KYNU: variants seen among roughly 807,000 people sequenced by gnomAD.
KYNU encodes L-kynurenine hydrolase.
A neutral mutation model predicts 59.2 loss-of-function variants in KYNU; 54 were observed. That is an observed-to-expected ratio of 0.91 (90% CI 0.73 to 1.14). KYNU has a LOEUF of 1.14. KYNU is among the 50% of genes most tolerant of loss of function. The probability of loss-of-function intolerance (pLI) is 0.00; values close to 1 mark genes in which losing one functional copy is unlikely to be tolerated. For synonymous variants in KYNU, 177 were observed against 192.0 expected, an observed-to-expected ratio of 0.92 and a Z score of 0.65; for missense variants, 567 against 554.4, an observed-to-expected ratio of 1.02 and a Z score of -0.23.
intron 1 of KYNU, among the ~76,000 whole-genome samples, chr2:142,882,525 T>A (rs930664100): frequency 3.3e-5 from 5 of 152,158 alleles, no homozygotes; most frequent in African/African-American, 9.7e-5. Context: ...TTCCCCGCCC[T>A]GTGTCCAAGT....
Position 142,885,494 on chromosome 2 carries a change from A to G in KYNU, c.127A>G (p.Arg43Gly), listed in dbSNP as rs746689071. Residue 43 changes from arginine (R) to glycine (G), a missense_variant, in exon 2 of 14, where the codon AGG becomes GGG. By Grantham distance (125) the Arg-to-Gly change is moderately radical (BLOSUM62 -2). Transcript: ENST00000264170. ...TGAGGAAGATAAGCTGAGGCACTTC[A>G]GGGAGTGCTTTTATATTCCCAAAAT... Reference protein sequence around the residue: ...LDEEDKLRHFRECFYIPKIQD... With the variant: ...LDEEDKLRHFGECFYIPKIQD... 4.1e-5 allele frequency: 66 copies of G among 1,613,836 alleles called. No individual in the cohort carries two copies. Among genetic ancestry groups the G allele is most frequent in the Non-Finnish European group, 5.3e-5 (63 of 1,179,978 alleles).
intron 2 of KYNU, among the ~76,000 whole-genome samples, chr2:142,896,292 C>T (rs1412412985): frequency 3.3e-5 from 5 of 152,198 alleles, no homozygotes; most frequent in African/African-American, 9.6e-5. Flanking sequence ...TATTCACCCC[C>T]AGTTGGTATT....
At chr2:142,936,775 G>T (rs994643399) in intron 4 of KYNU, among the ~76,000 whole-genome samples, 1 of 152,208 alleles carries the variant, frequency 6.6e-6, no homozygotes, top group African/African-American at 2.4e-5. Flanking sequence ...ATGCAGAGGG[G>T]TGACTGGAGG....
intron 10 of KYNU, among the ~76,000 whole-genome samples, chr2:143,024,411 T>G (rs1404891061): frequency 6.6e-6 from 1 of 152,066 alleles, no homozygotes; most frequent in Non-Finnish European, 1.5e-5. Context: ...TTGGCTGACT[T>G]AAGTTCTTTT....
intron 10 of KYNU, among the ~76,000 whole-genome samples, chr2:142,991,997 C>G (rs967145577): frequency 6.6e-6 from 1 of 151,948 alleles, no homozygotes; most frequent in Non-Finnish European, 1.5e-5. Flanking sequence ...GTAGCAGCAT[C>G]TATCTCTATG....
chr2:142,970,501 G>A (rs891556868), intron 8 of KYNU, among the ~76,000 whole-genome samples: 2 of 151,990 alleles, frequency 1.3e-5, no homozygotes, highest in African/African-American at 2.4e-5. Context: ...TATCTAAATG[G>A]GGCTATCTCC....
intron 12 of KYNU, among the ~76,000 whole-genome samples, chr2:143,033,905 T>A (rs1275290904): frequency 5.9e-5 from 9 of 152,146 alleles, no homozygotes; most frequent in Non-Finnish European, 1.0e-4. Flanking sequence ...ATGATTTTTT[T>A]AAATTGGGAC....
chr2:142,946,647 A>G (rs1326929561), intron 4 of KYNU, among the ~76,000 whole-genome samples: 1 of 152,220 alleles, frequency 6.6e-6, no homozygotes, highest in Non-Finnish European at 1.5e-5. Context: ...CGTTTCACTT[A>G]TAAAGCACAG....
At chr2:142,897,516 T>A (rs761838653) in intron 2 of KYNU, among the ~76,000 whole-genome samples, 1 of 152,254 alleles carries the variant, frequency 6.6e-6, no homozygotes, top group Non-Finnish European at 1.5e-5. Flanking sequence ...TAGATGCTTA[T>A]ATTTTTCTTG....
At chr2:143,032,969 A>G (rs943761296) in intron 11 of KYNU, among the ~76,000 whole-genome samples, 1 of 152,184 alleles carries the variant, frequency 6.6e-6, no homozygotes, top group African/African-American at 2.4e-5. Flanking sequence ...TGAGATCCAG[A>G]AAAACTTCCA....
Position 143,044,087 on chromosome 2 carries a change from T to G in KYNU, c.*1915T>G, listed in dbSNP as rs1239795151. 6.6e-6 allele frequency: 1 copy of G among 152,086 alleles called. No homozygotes were observed. Among genetic ancestry groups the G allele is most frequent in the East Asian group, 1.9e-4 (1 of 5,200 alleles). The allele number at this position is 152,086 out of a possible 1,614,324, so 9.4% of individuals were successfully genotyped here. A position where few individuals can be genotyped will look rare whatever the true frequency, so the allele number is the denominator to read the frequency against. ...ACTTATGGGTAAGAACATGCAGTGT[T>G]TGATTTTCTGTTCCTCTGTTAGTTT... On this transcript the variant is annotated 3_prime_UTR_variant, in exon 14 of 14. Transcript: ENST00000264170.
At chr2:143,033,550 A>G (rs1228604788) in intron 12 of KYNU, among the ~76,000 whole-genome samples, 2 of 152,242 alleles carry the variant, frequency 1.3e-5, no homozygotes, top group East Asian at 1.9e-4. Flanking sequence ...GTTGGCACAT[A>G]GTAAATATTA....
At chr2:142,947,129 C>A in intron 4 of KYNU, 1 of 1,551,146 alleles carries the variant, frequency 6.4e-7, no homozygotes, top group African/African-American at 1.4e-5. Context: ...AGACCCCCAA[C>A]ACAATCAACC....
chr2:142,957,753 T>C (rs570733362), intron 7 of KYNU, 38 bp downstream of exon 7: 1 of 1,283,908 alleles, frequency 7.8e-7, no homozygotes, highest in South Asian at 1.2e-5. Flanking sequence ...CATGCTTTGT[T>C]TAGTATTGAT....
At chr2:142,919,009 G>A (rs1259236472) in intron 3 of KYNU, among the ~76,000 whole-genome samples, 1 of 152,210 alleles carries the variant, frequency 6.6e-6, no homozygotes, top group Non-Finnish European at 1.5e-5. Context: ...CAGTATAAAT[G>A]TCATGTAAAT....
chr2:142,903,892 G>C (rs1682194450), intron 2 of KYNU, among the ~76,000 whole-genome samples: 1 of 152,150 alleles, frequency 6.6e-6, no homozygotes, highest in South Asian at 2.1e-4. Flanking sequence ...CATTCAATTT[G>C]TCCAGACTTT....
At chr2:143,026,746 GT>G (rs1686580935) in intron 10 of KYNU, among the ~76,000 whole-genome samples, 16 of 87,276 alleles carry the variant, frequency 1.8e-4, no homozygotes, top group Admixed American at 1.0e-3. Context: ...GCTGTCCGCA[GT>G]CCGCAGTCCG....
At chr2:143,019,331 T>C (rs1686344062) in intron 10 of KYNU, among the ~76,000 whole-genome samples, 1 of 152,166 alleles carries the variant, frequency 6.6e-6, no homozygotes, top group South Asian at 2.1e-4. Flanking sequence ...TTGTTGAGAA[T>C]ATTTATTATG....
At chr2:142,937,926 C>T (rs1683448278) in intron 4 of KYNU, among the ~76,000 whole-genome samples, 1 of 152,204 alleles carries the variant, frequency 6.6e-6, no homozygotes, top group Non-Finnish European at 1.5e-5. Context: ...GAGAGATTGA[C>T]CAAAACTTTA....
Sources: gnomAD v4.1 joint callset for allele counts (sites outside exome capture counted in the v4.1 genomes callset) on GRCh38, gnomAD v4.1.1 for gene constraint, MANE v1.5 for transcripts, NCBI Gene and HGNC (gene_info 2026-07-23, HGNC 2026-07-21) for gene names.